SUSD1: variants seen among roughly 807,000 people sequenced by gnomAD.
SUSD1 encodes sushi domain-containing protein 1.
A neutral mutation model predicts 86.9 loss-of-function variants in SUSD1; 65 were observed. That is an observed-to-expected ratio of 0.75 (90% confidence interval 0.61 to 0.92). The LOEUF (loss-of-function observed/expected upper bound fraction) is 0.92, where lower values mean the gene tolerates loss of function less well. Among genes scored for constraint, SUSD1 ranks in the 40% least tolerant of loss-of-function variants. The pLI is 0.00. For synonymous variants in SUSD1, 346 were observed against 350.0 expected (o/e 0.99, Z 0.13); for missense variants, 850 against 929.7 (o/e 0.91, Z 1.11).
intron 11 of SUSD1, 126 bp from the exon 12 acceptor site, chr9:112,078,850 G>C: frequency 1.4e-6 from 1 of 733,440 alleles, no homozygotes. Flanking sequence ...GCCTCACTCT[G>C]TCACCCATGC....
At chr9:112,098,738 G>C in intron 9 of SUSD1, 76 bp from the exon 10 acceptor site, 4 of 1,358,696 alleles carry the variant, frequency 2.9e-6, no homozygotes, top group Admixed American at 4.1e-5. Context: ...TAGCAAAATG[G>C]AGTTAAAACA....
At chr9:112,104,200 G>A (rs1830741653) in intron 8 of SUSD1, among the ~76,000 whole-genome samples, 1 of 151,758 alleles carries the variant, frequency 6.6e-6, no homozygotes. Flanking sequence ...GGTTTCTTTT[G>A]TAGAAATAGG....
intron 9 of SUSD1, 24 bp from the exon 10 acceptor site, chr9:112,098,686 G>A: frequency 1.2e-6 from 2 of 1,611,186 alleles, no homozygotes; most frequent in South Asian, 1.1e-5. Context: ...AAAAGAAAGT[G>A]TTACATTAGA....
In SUSD1 at chr9:112,102,240, A is replaced by C; in HGVS notation, c.1217T>G (p.Phe406Cys). Residue 406 changes from phenylalanine to cysteine, a missense_variant, in exon 9 of 17, where the codon TTT (phenylalanine) becomes TGT (cysteine). Transcript: ENST00000374270. ...GTTCAATTTCAAACAAGTTTCATTA[A>C]ATATTGAAATATTGAAACTTCCATC... ...EDDGSFNISI[F>C]NETCLKLNRR... 6.2e-7 allele frequency: 1 copy of C among 1,600,002 alleles called. No individual in the cohort carries two copies. The highest frequency in any genetic ancestry group is 1.3e-5 in the African/African-American group (1 of 74,336).
Position 112,113,291 on chromosome 9 carries a change from C to T in SUSD1, c.887-423G>A, listed in dbSNP as rs189500528. On this transcript the variant is annotated intron_variant, in intron 6 of 16. Coordinates refer to ENST00000374270, the MANE Select transcript of SUSD1 (RefSeq NM_022486.5). The surrounding 1 kb of genome is among the most constrained non-coding windows in gnomAD (Gnocchi z 4.1). The stretch of plus-strand genomic sequence containing the variant: ...AATGATGGGAAACTCCTTCAAGTCA[C>T]TGCTATCCCCAGGGGGAAAATGACA... Among the ~76,000 whole-genome samples the T allele has an allele frequency of 4.3e-4, 65 of 152,290 alleles. No individual in the cohort carries two copies. The highest frequency in any genetic ancestry group is 1.3e-3 in the African/African-American group (55 of 41,562).
intron 11 of SUSD1, 84 bp downstream of exon 11, chr9:112,079,990 A>T: frequency 3.2e-6 from 3 of 924,360 alleles, no homozygotes; most frequent in Non-Finnish European, 5.3e-6. Flanking sequence ...ATAGTTATAG[A>T]TGTAGATTTT....
At chr9:112,097,221 G>T (rs888329438) in intron 10 of SUSD1, among the ~76,000 whole-genome samples, 1 of 151,562 alleles carries the variant, frequency 6.6e-6, no homozygotes, top group African/African-American at 2.4e-5. Context: ...AGCTACTCAA[G>T]AGGCTGAGGC....
At chr9:112,143,376 C>T in intron 4 of SUSD1, 95 bp downstream of exon 4, 2 of 1,296,828 alleles carry the variant, frequency 1.5e-6, no homozygotes, top group East Asian at 4.7e-5. Context: ...ATCAGATCAC[C>T]TCCACCTGCC....
intron 8 of SUSD1, among the ~76,000 whole-genome samples, chr9:112,109,564 C>T (rs1412275931): frequency 2.6e-5 from 4 of 152,214 alleles, no homozygotes; most frequent in Non-Finnish European, 5.9e-5. Context: ...CATTAAATAA[C>T]TCAGCCATGA....
chr9:112,049,736 A>G (rs1304672799), intron 15 of SUSD1, among the ~76,000 whole-genome samples: 1 of 152,248 alleles, frequency 6.6e-6, no homozygotes, highest in Admixed American at 6.5e-5. Context: ...GGTGCACAAC[A>G]CAGGTAAATG....
At chr9:112,051,420 T>TTTTTTTTTTTTTTG (rs1828195938) in intron 15 of SUSD1, among the ~76,000 whole-genome samples, 1 of 122,338 alleles carries the variant, frequency 8.2e-6, no homozygotes, top group Non-Finnish European at 1.7e-5. Flanking sequence ...TTTTTTTTTT[T>TTTTTTTTTTTTTTG]TTTTTTTTTT....
intron 3 of SUSD1, among the ~76,000 whole-genome samples, chr9:112,144,599 C>A (rs1185451368): frequency 6.6e-6 from 1 of 152,038 alleles, no homozygotes; most frequent in Non-Finnish European, 1.5e-5. Flanking sequence ...GAAGTGAGAA[C>A]CTGTCTTAAA....
At chr9:112,047,781 C>T (rs960659333) in intron 15 of SUSD1, among the ~76,000 whole-genome samples, 5 of 152,162 alleles carry the variant, frequency 3.3e-5, no homozygotes, top group African/African-American at 2.4e-5. Flanking sequence ...TTTGTATATA[C>T]CTGCTGGCTT....
At chr9:112,114,556 T>C (rs1037171259) in intron 6 of SUSD1, among the ~76,000 whole-genome samples, 2 of 152,142 alleles carry the variant, frequency 1.3e-5, no homozygotes, top group African/African-American at 4.8e-5. Flanking sequence ...CCAGAGAAAG[T>C]TGTCCTCATG....
chr9:112,165,065 G>A (rs1833723232), intron 1 of SUSD1, among the ~76,000 whole-genome samples: 1 of 152,226 alleles, frequency 6.6e-6, no homozygotes, highest in Admixed American at 6.5e-5. Context: ...TTTCTAAGAA[G>A]CTCACAGGTG....
chr9:112,138,565 C>T (rs1349474913), intron 5 of SUSD1, among the ~76,000 whole-genome samples: 1 of 151,278 alleles, frequency 6.6e-6, no homozygotes, highest in Non-Finnish European at 1.5e-5. Flanking sequence ...TCTCCTGCCT[C>T]AGACTCCTGA....
At chr9:112,135,742 T>G (rs1158814349) in intron 5 of SUSD1, among the ~76,000 whole-genome samples, 1 of 152,224 alleles carries the variant, frequency 6.6e-6, no homozygotes, top group Admixed American at 6.5e-5. Context: ...GACCTGCCAC[T>G]CCTCACTAGA....
chr9:112,118,512 T>C (rs983651501), intron 6 of SUSD1, among the ~76,000 whole-genome samples: 2 of 152,082 alleles, frequency 1.3e-5, no homozygotes, highest in Non-Finnish European at 1.5e-5. Flanking sequence ...GGAGACGGAG[T>C]CTTGCGCTGT....
rs560792820 is a variant in SUSD1, at chr9:112,065,501, G to T, written c.1754-2468C>A. On this transcript the variant is annotated intron_variant, in intron 12 of 16. Transcript: ENST00000374270. ...GATTGTGCCACTGCACTCCAGCCTG[G>T]GCGAAAAAGTGAGACTCTGTCTCAA... 1.2e-4 allele frequency among the ~76,000 whole-genome samples: 18 copies of T among 152,104 alleles called. No homozygotes were observed. The East Asian group carries it at 3.3e-3, about 28-fold the overall frequency.
Sources: allele counts gnomAD v4.1 joint callset (sites outside exome capture counted in the v4.1 genomes callset), GRCh38; gene constraint gnomAD v4.1.1; non-coding constraint Gnocchi (gnomAD v3.1); transcripts MANE v1.5; gene names NCBI Gene and HGNC (gene_info 2026-07-23, HGNC 2026-07-21).